The following MSI2 variants were observed in gnomAD, a reference collection of about 807,000 sequenced individuals.
MSI2 encodes musashi RNA binding protein 2.
Under a neutral mutation model 45.6 loss-of-function variants are expected in MSI2, and 17 were observed. The observed-to-expected ratio is 0.37, with a 90% CI of 0.26 to 0.56. The LOEUF (loss-of-function observed/expected upper bound fraction) is 0.56, where lower values mean the gene tolerates loss of function less well. Among genes scored for constraint, MSI2 ranks in the 20% least tolerant of loss-of-function variants. MSI2 has a pLI of 0.77. For missense variants in MSI2, 293 were observed against 444.2 expected, an observed-to-expected ratio of 0.66 and a Z score of 3.06; for synonymous variants, 156 against 158.2, an observed-to-expected ratio of 0.99 and a Z score of 0.11.
chr17:57,299,299 A>C (rs1005056537), intron 5 of MSI2, among the ~76,000 whole-genome samples: 1 of 152,230 alleles, frequency 6.6e-6, no homozygotes, highest in Non-Finnish European at 1.5e-5. Context: ...AATTTCCTTC[A>C]AGAACTTTTC....
At chr17:57,289,482 C>G (rs1036101842) in intron 5 of MSI2, among the ~76,000 whole-genome samples, 18 of 63,842 alleles carry the variant, frequency 2.8e-4, no homozygotes, top group African/African-American at 7.9e-4. Flanking sequence ...GAAATGAATT[C>G]ATTAAAAAAA....
chr17:57,621,171 A>G (rs1211207018), intron 9 of MSI2, among the ~76,000 whole-genome samples: 3 of 152,238 alleles, frequency 2.0e-5, no homozygotes, highest in Non-Finnish European at 2.9e-5. Context: ...ATGGCCTGAC[A>G]TGACCCCATC....
At chr17:57,296,675 T>TA (rs1196765231) in intron 5 of MSI2, among the ~76,000 whole-genome samples, 1 of 152,144 alleles carries the variant, frequency 6.6e-6, no homozygotes, top group Non-Finnish European at 1.5e-5. Context: ...AAGACATCAG[T>TA]AAAAAAATTG....
chr17:57,375,919 C>T (rs954157486), intron 5 of MSI2, among the ~76,000 whole-genome samples: 6 of 152,190 alleles, frequency 3.9e-5, no homozygotes, highest in African/African-American at 1.2e-4. Flanking sequence ...TCACTCTGAC[C>T]GCCCAGGAGC....
intron 5 of MSI2, among the ~76,000 whole-genome samples, chr17:57,344,649 C>T (rs117770868): frequency 6.6e-6 from 1 of 152,322 alleles, no homozygotes; most frequent in Non-Finnish European, 1.5e-5. Flanking sequence ...TGAGTGTACA[C>T]ATATACACAC....
intron 6 of MSI2, among the ~76,000 whole-genome samples, chr17:57,525,838 G>A (rs2144037116): frequency 6.6e-6 from 1 of 152,320 alleles, no homozygotes; most frequent in Admixed American, 6.5e-5. Flanking sequence ...TTGTAAGGCA[G>A]GTGAGCGCGT....
chr17:57,302,463 A>G (rs1911492706), intron 5 of MSI2, among the ~76,000 whole-genome samples: 1 of 152,196 alleles, frequency 6.6e-6, no homozygotes, highest in African/African-American at 2.4e-5. Flanking sequence ...TCACTTGACT[A>G]TTCTGTCGAA....
chr17:57,679,095 T>C (rs567697792), intron 13 of MSI2, among the ~76,000 whole-genome samples: 3 of 152,394 alleles, frequency 2.0e-5, no homozygotes, highest in African/African-American at 7.2e-5. Context: ...TTAAAAGTTA[T>C]CGATGGGTAT....
rs559146203 is a variant in MSI2 at position 57,391,908 on chromosome 17, A to G, written c.313-9471A>G. On this transcript the variant is annotated intron_variant, in intron 5 of 13. Transcript: ENST00000284073. The stretch of plus-strand genomic sequence containing the variant: ...GTAAAAGATTATGGGTTTTAATTGC[A>G]TCAGTGTATTGGTAATCATTCAAAC... 1.4e-3 allele frequency among the ~76,000 whole-genome samples: 218 copies of G among 152,358 alleles called. 1 individual carries two copies. Among genetic ancestry groups the G allele is most frequent in the South Asian group, 6.8e-3 (33 of 4,832 alleles).
chr17:57,396,649 G>T (rs1270708466), intron 5 of MSI2, among the ~76,000 whole-genome samples: 1 of 152,202 alleles, frequency 6.6e-6, no homozygotes. Context: ...TTCCAAACGG[G>T]AATGGGTGCT....
At chr17:57,462,093 C>T (rs1303783184) in intron 6 of MSI2, among the ~76,000 whole-genome samples, 2 of 152,216 alleles carry the variant, frequency 1.3e-5, no homozygotes, top group Non-Finnish European at 2.9e-5. Flanking sequence ...GGCCTCTCCC[C>T]TTGCCTCTGG....
intron 7 of MSI2, among the ~76,000 whole-genome samples, chr17:57,578,753 T>C (rs1222651313): frequency 6.6e-6 from 1 of 152,150 alleles, no homozygotes; most frequent in Non-Finnish European, 1.5e-5. Flanking sequence ...GCAAAACCAA[T>C]TCCTCTTTTC....
At chr17:57,351,296 G>C (rs1011292714) in intron 5 of MSI2, among the ~76,000 whole-genome samples, 6 of 151,794 alleles carry the variant, frequency 4.0e-5, no homozygotes, top group African/African-American at 1.5e-4. Flanking sequence ...GCTCAGTAAG[G>C]GCACTAGCCA....
At chr17:57,291,377 A>G (rs1406503995) in intron 5 of MSI2, among the ~76,000 whole-genome samples, 2 of 152,234 alleles carry the variant, frequency 1.3e-5, no homozygotes, top group Non-Finnish European at 2.9e-5. Flanking sequence ...CAGAGAGGAT[A>G]CAATTCACCA....
intron 4 of MSI2, among the ~76,000 whole-genome samples, chr17:57,258,888 T>C (rs1348977456): frequency 6.6e-6 from 1 of 152,096 alleles, no homozygotes; most frequent in Non-Finnish European, 1.5e-5. Flanking sequence ...GGGCATCCAC[T>C]GGGGTGACTC....
chr17:57,310,906 G>A (rs1003609016), intron 5 of MSI2, among the ~76,000 whole-genome samples: 1 of 152,092 alleles, frequency 6.6e-6, no homozygotes, highest in African/African-American at 2.4e-5. Context: ...TTACTATCTG[G>A]GGACCCTTGG....
chr17:57,511,441 A>G (rs2086353258), intron 6 of MSI2, among the ~76,000 whole-genome samples: 1 of 152,178 alleles, frequency 6.6e-6, no homozygotes, highest in Non-Finnish European at 1.5e-5. Flanking sequence ...AAGCTGGAAT[A>G]GTCATCTTTC....
rs996698959 is a variant in MSI2, at chr17:57,684,232, G to A, written c.*4715G>A. 1 of 208,218 alleles carries A rather than the reference G, an allele frequency of 4.8e-6. No homozygotes were observed. Among genetic ancestry groups the A allele is most frequent in the Non-Finnish European group, 9.8e-6 (1 of 102,154 alleles). 12.9% of individuals were successfully genotyped at this position (208,218 alleles called of 1,614,324 possible). ...CTGTGAGTGTCCTCTTAAGTAGCGTGGGCTAGCCAATCTGCCGTTCATGGT... is the reference window on the plus strand; with the variant it reads ...CTGTGAGTGTCCTCTTAAGTAGCGTAGGCTAGCCAATCTGCCGTTCATGGT... On this transcript the variant is annotated 3_prime_UTR_variant, in exon 14 of 14. Transcript: ENST00000284073.
chr17:57,297,354 G>A (rs1473856015), intron 5 of MSI2, among the ~76,000 whole-genome samples: 1 of 152,018 alleles, frequency 6.6e-6, no homozygotes, highest in Non-Finnish European at 1.5e-5. Context: ...GCATATAAAT[G>A]TTATGTTTAC....
Sources: allele counts gnomAD v4.1 joint callset (sites outside exome capture counted in the v4.1 genomes callset), GRCh38; gene constraint gnomAD v4.1.1; transcripts MANE v1.5; gene names NCBI Gene and HGNC (gene_info 2026-07-23, HGNC 2026-07-21).